The following PDIA5 variants were observed in gnomAD, a reference collection of about 807,000 sequenced individuals.
PDIA5 encodes the protein protein disulfide-isomerase A5.
A neutral mutation model predicts 77.6 loss-of-function variants in PDIA5; 58 were observed. The observed-to-expected ratio is 0.75, with a 90% CI of 0.61 to 0.93. The LOEUF (loss-of-function observed/expected upper bound fraction) is 0.93. PDIA5 is among the 40% of genes least tolerant of loss of function. The pLI is 0.00. For synonymous variants in PDIA5, 250 were observed against 252.1 expected (o/e 0.99, Z 0.08); for missense variants, 630 against 647.7 (o/e 0.97, Z 0.30).
chr3:123,073,452 A>G (rs1933777877), intron 1 of PDIA5, among the ~76,000 whole-genome samples: 1 of 152,138 alleles, frequency 6.6e-6, no homozygotes. Context: ...TGGCTTTGGC[A>G]TTGGACAGGG....
At chr3:123,071,332 G>A (rs912789577) in intron 1 of PDIA5, among the ~76,000 whole-genome samples, 2 of 152,100 alleles carry the variant, frequency 1.3e-5, no homozygotes, top group African/African-American at 2.4e-5. Context: ...TCCATCTCCC[G>A]CCTGCTTCTC....
chr3:123,074,768 G>A (rs1933807575), intron 1 of PDIA5, among the ~76,000 whole-genome samples: 1 of 152,140 alleles, frequency 6.6e-6, no homozygotes, highest in Admixed American at 6.5e-5. Flanking sequence ...CATAATACAG[G>A]AAAGGCTAAA....
intron 2 of PDIA5, 87 bp downstream of exon 2, chr3:123,089,381 GAAAACCA>G: frequency 7.4e-7 from 1 of 1,349,656 alleles, no homozygotes; most frequent in South Asian, 1.3e-5. Context: ...ACGTTAGGAT[GAAAACCA>G]CTTAGGGAGG....
chr3:123,156,211 G>A (rs1261068371), intron 15 of PDIA5, among the ~76,000 whole-genome samples: 1 of 152,184 alleles, frequency 6.6e-6, no homozygotes, highest in Non-Finnish European at 1.5e-5. Context: ...AGCCAGGCTG[G>A]GGACAGGCCC....
intron 1 of PDIA5, among the ~76,000 whole-genome samples, chr3:123,071,371 C>T (rs1164467820): frequency 6.6e-6 from 1 of 152,154 alleles, no homozygotes; most frequent in Non-Finnish European, 1.5e-5. Flanking sequence ...TCGCTTGAAG[C>T]TCAGACCCTG....
intron 1 of PDIA5, among the ~76,000 whole-genome samples, chr3:123,076,141 G>A (rs1392452744): frequency 6.6e-6 from 1 of 152,164 alleles, no homozygotes; most frequent in Non-Finnish European, 1.5e-5. Context: ...CAGCCTCTCG[G>A]GTATTATTCT....
chr3:123,096,651 G>A (rs1488573618), intron 3 of PDIA5, among the ~76,000 whole-genome samples: 1 of 152,122 alleles, frequency 6.6e-6, no homozygotes, highest in African/African-American at 2.4e-5. Flanking sequence ...CCCCGGTCCA[G>A]GCCCTGTAAC....
chr3:123,100,164 G>A (rs1934546659), intron 3 of PDIA5, among the ~76,000 whole-genome samples: 1 of 152,254 alleles, frequency 6.6e-6, no homozygotes, highest in Non-Finnish European at 1.5e-5. Context: ...CATGTGAGTG[G>A]TTGTAAACAT....
intron 5 of PDIA5, 32 bp from the exon 6 acceptor site, chr3:123,106,717 A>AG: frequency 6.7e-7 from 1 of 1,502,582 alleles, no homozygotes; most frequent in Non-Finnish European, 9.3e-7. Context: ...CAGGGCTAAA[A>AG]TGCATTTTCT....
At chr3:123,121,640 C>T (rs1378127744) in intron 8 of PDIA5, among the ~76,000 whole-genome samples, 3 of 152,068 alleles carry the variant, frequency 2.0e-5, no homozygotes, top group South Asian at 2.1e-4. Flanking sequence ...TCTGGAGGGT[C>T]GCCAGGAGGC....
chr3:123,149,791 A>G (rs1576464812), intron 13 of PDIA5, among the ~76,000 whole-genome samples: 1 of 152,036 alleles, frequency 6.6e-6, no homozygotes, highest in African/African-American at 2.4e-5. Context: ...CTGGACTTGA[A>G]CCCAGGCCCG....
chr3:123,146,775 A>G (rs1392570922), intron 13 of PDIA5, among the ~76,000 whole-genome samples: 1 of 152,132 alleles, frequency 6.6e-6, no homozygotes, highest in African/African-American at 2.4e-5. Flanking sequence ...GCTCAACAAT[A>G]TAATATAACA....
chr3:123,069,959 G>C (rs898324896), intron 1 of PDIA5, among the ~76,000 whole-genome samples: 3 of 151,814 alleles, frequency 2.0e-5, no homozygotes, highest in Non-Finnish European at 4.4e-5. Context: ...GCATGGTAGC[G>C]GGCGCCTGTA....
At chr3:123,115,644 G>A (rs757610495) in intron 7 of PDIA5, among the ~76,000 whole-genome samples, 2 of 151,526 alleles carry the variant, frequency 1.3e-5, no homozygotes, top group Non-Finnish European at 2.9e-5. Context: ...ATGGCATCCC[G>A]ATTCCTGGCC....
At chr3:123,101,280 A>C (rs1934586297) in intron 3 of PDIA5, among the ~76,000 whole-genome samples, 1 of 152,184 alleles carries the variant, frequency 6.6e-6, no homozygotes, top group African/African-American at 2.4e-5. Context: ...TTTCTAATTT[A>C]GTAGGTCTGG....
chr3:123,141,055 T>C lies in PDIA5; in HGVS notation c.911-4467T>C, dbSNP rs1436083540. On this transcript the variant is annotated intron_variant, in intron 11 of 16. Coordinates refer to ENST00000316218, the MANE Select transcript of PDIA5 (RefSeq NM_006810.4). ...GTGGCATCAAAGGCCTGGAGCCTGA[T>C]AAAGGGATGAAGTAAACCTCCCTAC... Among the ~76,000 whole-genome samples, 3 of 152,198 alleles carry C rather than the reference T, an allele frequency of 2.0e-5. 1 individual carries two copies. The highest frequency in any genetic ancestry group is 4.4e-5 in the Non-Finnish European group (3 of 68,034).
chr3:123,150,166 G>A, intron 13 of PDIA5, 68 bp from the exon 14 acceptor site: 15 of 1,201,838 alleles, frequency 1.2e-5, no homozygotes, highest in Non-Finnish European at 1.7e-5. Context: ...GACATTGAGG[G>A]TGGATTTCCT....
Position 123,161,407 on chromosome 3 carries a change from C to T in PDIA5, c.1431C>T (p.His477=). 1.2e-6 allele frequency: 2 copies of T among 1,614,204 alleles called. No individual in the cohort carries two copies. The highest frequency in any genetic ancestry group is 1.7e-6 in the Non-Finnish European group (2 of 1,180,020). The part of the protein sequence containing the change: ...QEAVKGYPTF[H]YYHYGKFAEK... Reference sequence around the variant, plus strand: ...CGGTCAAGGGCTACCCCACTTTCCACTACTACCACTATGGGAAGTTCGCAG... The same window carrying T: ...CGGTCAAGGGCTACCCCACTTTCCATTACTACCACTATGGGAAGTTCGCAG... The change falls in exon 16 of 17, where the codon CAC becomes CAT. Residue 477 remains histidine (H), a synonymous_variant. Coordinates refer to ENST00000316218, the MANE Select transcript of PDIA5 (RefSeq NM_006810.4).
In PDIA5 at chr3:123,161,357, A is replaced by G. The variant is rs753905527; in HGVS notation, c.1381A>G (p.Asn461Asp). ...CGCTGTTGACTGTGTCAAAGACAAG[A>G]ACCAAGACCTGTGCCAGCAGGAGGC... The part of the protein sequence containing the change: ...CAAVDCVKDK[N>D]QDLCQQEAVK... Residue 461 changes from asparagine (N) to aspartate (D), a missense_variant, in exon 16 of 17, where the codon AAC becomes GAC. By Grantham distance (23) the Asn-to-Asp change is conservative (BLOSUM62 1). Transcript: ENST00000316218. 3.1e-6 allele frequency: 5 copies of G among 1,614,182 alleles called. No homozygotes were observed. In the Admixed American group the frequency reaches 8.3e-5, roughly 27 times the overall value.
Sources: gnomAD v4.1 joint callset for allele counts (sites outside exome capture counted in the v4.1 genomes callset) on GRCh38, gnomAD v4.1.1 for gene constraint, MANE v1.5 for transcripts, NCBI Gene and HGNC (gene_info 2026-07-23, HGNC 2026-07-21) for gene names.